MACROD2: variants seen among roughly 807,000 people sequenced by gnomAD.
MACROD2 encodes the protein mono-ADP ribosylhydrolase 2, also known as ADP-ribose glycohydrolase MACROD2.
A neutral mutation model predicts 70.4 loss-of-function variants in MACROD2; 36 were observed. The ratio of observed to expected loss-of-function variants is 0.51; its 90% CI spans 0.39 to 0.68. The LOEUF (loss-of-function observed/expected upper bound fraction) is 0.68. MACROD2 is among the 30% of genes least tolerant of loss of function. The probability of loss-of-function intolerance (pLI) is 0.00; values close to 1 mark genes in which losing one functional copy is unlikely to be tolerated. For synonymous variants in MACROD2, 172 were observed against 178.8 expected, an observed-to-expected ratio of 0.96 and a Z score of 0.30; for missense variants, 496 against 538.4, an observed-to-expected ratio of 0.92 and a Z score of 0.78.
chr20:14,809,382 C>T (rs2122167982), intron 5 of MACROD2, among the ~76,000 whole-genome samples: 1 of 152,074 alleles, frequency 6.6e-6, no homozygotes, highest in East Asian at 1.9e-4. Context: ...TTCTTTGAAA[C>T]CAATGAGAAC....
At chr20:15,617,111 TTTTTA>T (rs1391918489) in intron 8 of MACROD2, among the ~76,000 whole-genome samples, 1 of 152,200 alleles carries the variant, frequency 6.6e-6, no homozygotes, top group Non-Finnish European at 1.5e-5. Flanking sequence ...TGCTGCACTG[TTTTTA>T]TTTTGTTTTT....
At chr20:15,163,361 A>T (rs2076361399) in intron 5 of MACROD2, among the ~76,000 whole-genome samples, 1 of 151,984 alleles carries the variant, frequency 6.6e-6, no homozygotes. Flanking sequence ...ATTTAAAAAG[A>T]TATGATGTTA....
At chr20:15,732,499 A>G (rs1316775433) in intron 8 of MACROD2, among the ~76,000 whole-genome samples, 1 of 152,232 alleles carries the variant, frequency 6.6e-6, no homozygotes, top group African/African-American at 2.4e-5. Context: ...TAAAAATATC[A>G]TGAATGCCTG....
chr20:15,214,495 A>G (rs1290166052), intron 5 of MACROD2, among the ~76,000 whole-genome samples: 2 of 152,190 alleles, frequency 1.3e-5, no homozygotes, highest in Non-Finnish European at 2.9e-5. Flanking sequence ...CAAGACCAGC[A>G]TGGTCATCAT....
At chr20:15,295,609 A>ACACACACACACACACATG (rs2146115388) in intron 6 of MACROD2, among the ~76,000 whole-genome samples, 1 of 140,354 alleles carries the variant, frequency 7.1e-6, no homozygotes, top group South Asian at 2.4e-4. Context: ...ACACACACAC[A>ACACACACACACACACATG]CACACACACA....
chr20:14,834,083 A>G (rs1488773946), intron 5 of MACROD2, among the ~76,000 whole-genome samples: 2 of 152,126 alleles, frequency 1.3e-5, no homozygotes, highest in Non-Finnish European at 2.9e-5. Context: ...GAAACTACAT[A>G]ATATATTAGA....
At chr20:14,887,298 G>A (rs1284660733) in intron 5 of MACROD2, among the ~76,000 whole-genome samples, 1 of 151,934 alleles carries the variant, frequency 6.6e-6, no homozygotes, top group Non-Finnish European at 1.5e-5. Flanking sequence ...TGAGTAATAT[G>A]GTGAGGAAAT....
chr20:14,492,528 G>T (rs1568637695), intron 3 of MACROD2, among the ~76,000 whole-genome samples: 1 of 152,048 alleles, frequency 6.6e-6, no homozygotes. Flanking sequence ...TATGAAATGG[G>T]TGGTCTGTGG....
intron 5 of MACROD2, among the ~76,000 whole-genome samples, chr20:14,719,185 C>T (rs781113261): frequency 6.6e-6 from 1 of 151,770 alleles, no homozygotes; most frequent in Non-Finnish European, 1.5e-5. Context: ...TGAGCGAGAT[C>T]GCGCCACTGC....
intron 5 of MACROD2, among the ~76,000 whole-genome samples, chr20:14,969,178 T>A (rs563018616): frequency 2.0e-5 from 3 of 151,548 alleles, no homozygotes; most frequent in South Asian, 4.2e-4. Context: ...TATATATATA[T>A]AAATCTGTAC....
Position 14,739,485 on chromosome 20 carries a change from C to T in MACROD2, c.418+54526C>T, listed in dbSNP as rs757058004. Among the ~76,000 whole-genome samples, 124 of 151,582 alleles carry T rather than the reference C, an allele frequency of 8.2e-4. 1 individual carries two copies. The highest frequency in any genetic ancestry group is 3.3e-4 in the Admixed American group (5 of 15,216). ...GGAAGTGGATAAATAAGACCATGGACGGGAGCAAGATTTTTCACTGTCTAC... is the reference window on the plus strand; with the variant it reads ...GGAAGTGGATAAATAAGACCATGGATGGGAGCAAGATTTTTCACTGTCTAC... On this transcript the variant is annotated intron_variant, in intron 5 of 17. Transcript: ENST00000684519.
intron 12 of MACROD2, among the ~76,000 whole-genome samples, chr20:15,952,013 A>G (rs546641421): frequency 2.0e-5 from 3 of 152,230 alleles, no homozygotes; most frequent in Admixed American, 6.5e-5. Context: ...TCATGGGGGC[A>G]GGTGTTTCCC....
chr20:14,046,996 T>C (rs1413586719), intron 2 of MACROD2, among the ~76,000 whole-genome samples: 1 of 152,060 alleles, frequency 6.6e-6, no homozygotes, highest in Non-Finnish European at 1.5e-5. Flanking sequence ...AATCATTGAA[T>C]TACAATGCCT....
At chr20:15,233,554 G>GA (rs1251695502) in intron 6 of MACROD2, among the ~76,000 whole-genome samples, 2 of 151,922 alleles carry the variant, frequency 1.3e-5, no homozygotes, top group East Asian at 1.9e-4. Flanking sequence ...TTTTTACCAT[G>GA]AAAAAATACT....
intron 10 of MACROD2, among the ~76,000 whole-genome samples, chr20:15,925,216 G>A (rs1455454699): frequency 6.6e-6 from 1 of 152,160 alleles, no homozygotes; most frequent in Non-Finnish European, 1.5e-5. Context: ...GAAGTCATTG[G>A]AAGACTTTGG....
intron 5 of MACROD2, among the ~76,000 whole-genome samples, chr20:14,726,449 G>A (rs941104996): frequency 2.0e-5 from 3 of 152,090 alleles, no homozygotes; most frequent in Admixed American, 6.6e-5. Flanking sequence ...TGTCACAGGC[G>A]AAACTGAATT....
rs73255090 is a variant in MACROD2, at chr20:14,151,631, A to G, written c.271+65903A>G. ...TTCCCATGTTTTTGAGTATAATTGT[A>G]ACCAATTTTATGGTAATTATTTTTG... On this transcript the variant is annotated intron_variant, in intron 3 of 17. Transcript: ENST00000684519. Among the ~76,000 whole-genome samples the G allele has an allele frequency of 1.8e-3, 272 of 152,196 alleles. 1 individual carries two copies. The highest frequency in any genetic ancestry group is 6.2e-3 in the African/African-American group (257 of 41,516).
intron 3 of MACROD2, among the ~76,000 whole-genome samples, chr20:14,154,144 T>A (rs1199331363): frequency 6.6e-6 from 1 of 152,230 alleles, no homozygotes; most frequent in Non-Finnish European, 1.5e-5. Flanking sequence ...TGGCTTTTTT[T>A]CATTCCTCAT....
At chr20:14,534,481 T>C (rs980567980) in intron 4 of MACROD2, among the ~76,000 whole-genome samples, 14 of 152,234 alleles carry the variant, frequency 9.2e-5, no homozygotes, top group Non-Finnish European at 1.9e-4. Context: ...AAAGAAATTT[T>C]TTTCTACTTA....
Sources: allele counts gnomAD v4.1 joint callset (sites outside exome capture counted in the v4.1 genomes callset), GRCh38; gene constraint gnomAD v4.1.1; transcripts MANE v1.5; gene names NCBI Gene and HGNC (gene_info 2026-07-23, HGNC 2026-07-21).